The following PKHD1L1 variants were observed in gnomAD, a reference collection of about 807,000 sequenced individuals.
The protein encoded by PKHD1L1 is fibrocystin-L.
Under a neutral mutation model 462.9 loss-of-function variants are expected in PKHD1L1, and 434 were observed. That is an observed-to-expected ratio of 0.94 (90% CI 0.87 to 1.02). The LOEUF is 1.02. Ranked by LOEUF, PKHD1L1 falls within the 50% of genes least tolerant of loss-of-function variation. PKHD1L1 has a pLI of 0.00. For synonymous variants in PKHD1L1, 1,781 were observed against 1,750.0 expected (o/e 1.02, Z -0.44); for missense variants, 5,202 against 5,096.1 (o/e 1.02, Z -0.63).
chr8:109,477,175 A>C (rs563538504), intron 52 of PKHD1L1, 50 bp from the exon 53 acceptor site: 2 of 1,583,370 alleles, frequency 1.3e-6, no homozygotes, highest in South Asian at 1.1e-5. Context: ...GTTTACATTC[A>C]AGTACTTTGG....
intron 23 of PKHD1L1, 50 bp downstream of exon 23, chr8:109,420,740 AT>A: frequency 7.4e-7 from 1 of 1,342,336 alleles, no homozygotes; most frequent in Non-Finnish European, 1.0e-6. Context: ...TTTATTTTTA[AT>A]TTTTTTAAAT....
intron 49 of PKHD1L1, 42 bp downstream of exon 49, chr8:109,465,287 T>C: frequency 6.4e-7 from 1 of 1,568,920 alleles, no homozygotes; most frequent in Non-Finnish European, 8.7e-7. Context: ...CCATTGGAAA[T>C]ATGTTTGTGT....
intron 71 of PKHD1L1, among the ~76,000 whole-genome samples, chr8:109,513,213 G>T (rs2130997294): frequency 6.6e-6 from 1 of 151,792 alleles, no homozygotes; most frequent in South Asian, 2.1e-4. Context: ...AATTGCCCTG[G>T]CCAGAACTTC....
Position 109,442,978 on chromosome 8 carries a change from A to G in PKHD1L1, c.4426A>G (p.Ile1476Val), listed in dbSNP as rs762850488. 6.2e-7 allele frequency: 1 copy of G among 1,613,464 alleles called. No homozygotes were observed. Among genetic ancestry groups the G allele is most frequent in the South Asian group, 1.1e-5 (1 of 91,050 alleles). The change falls in exon 36 of 78, where the codon ATC becomes GTC. Residue 1476 changes from isoleucine (I) to valine (V), a missense_variant. By Grantham distance (29) the Ile-to-Val change is conservative (BLOSUM62 3). Transcript: ENST00000378402. Reference sequence around the variant, plus strand: ...TTCTTACCAATTTACTTCTCCTGGAATCCATTATTATAGCAGCGGGTATGT... The same window carrying G: ...TTCTTACCAATTTACTTCTCCTGGAGTCCATTATTATAGCAGCGGGTATGT... The part of the protein sequence containing the change: ...SFSYQFTSPG[I>V]HYYSSGYVDE...
rs1419820842 is a variant in PKHD1L1 at position 109,466,615 on chromosome 8, G to A, written c.8451G>A (p.Leu2817=). 1.2e-6 allele frequency: 2 copies of A among 1,609,684 alleles called. No homozygotes were observed. The highest frequency in any genetic ancestry group is 2.7e-5 in the African/African-American group (2 of 74,910). ...KGHTVIPHSS[L]LDPSHCTQEA... ...ATACCGTCATTCCACACAGCTCATT[G>A]CTAGACCCTTCTCATTGTACTCAGG... Residue 2817 remains leucine (L), a synonymous_variant, in exon 50 of 78, where the codon TTG becomes TTA. Transcript: ENST00000378402.
rs746456476 is a variant in PKHD1L1, at chr8:109,464,806, A to G, written c.7974A>G (p.Lys2658=). ...CACTTACTACTTGGAATTGTCAAAAAGGAGCTGAATGGGTCAATGGAGGTG... is the reference window on the plus strand; with the variant it reads ...CACTTACTACTTGGAATTGTCAAAAGGGAGCTGAATGGGTCAATGGAGGTG... The part of the protein sequence containing the change: ...FNSLTTWNCQ[K]GAEWVNGGAL... The change falls in exon 49 of 78, where the codon AAA becomes AAG. Residue 2658 remains lysine, a synonymous_variant. Transcript: ENST00000378402. 1.2e-6 allele frequency: 2 copies of G among 1,613,838 alleles called. No individual in the cohort carries two copies. The highest frequency in any genetic ancestry group is 2.2e-5 in the East Asian group (1 of 44,868).
intron 42 of PKHD1L1, 75 bp from the exon 43 acceptor site, chr8:109,452,643 A>G: frequency 1.1e-6 from 1 of 944,012 alleles, no homozygotes. Context: ...ATTGTAATAA[A>G]ATGCTTTTTG....
Position 109,464,835 on chromosome 8 carries a change from T to A in PKHD1L1, c.8003T>A (p.Leu2668His). The change falls in exon 49 of 78, where the codon CTT becomes CAT. Residue 2668 changes from leucine (L) to histidine (H), a missense_variant. Leu to His is a moderately conservative substitution (Grantham distance 99). Around this residue, in one of 3 missense-constraint regions of PKHD1L1, gnomAD observed 4,497 missense variants for 4,336.8 expected, o/e 1.04. Coordinates refer to ENST00000378402, the MANE Select transcript of PKHD1L1 (RefSeq NM_177531.6). Reference protein sequence around the residue: ...KGAEWVNGGALQFHNFVMVNN... With the variant: ...KGAEWVNGGAHQFHNFVMVNN... ...GCTGAATGGGTCAATGGAGGTGCCC[T>A]TCAGTTCCATAACTTTGTGATGGTG... The A allele has an allele frequency of 1.2e-6, 2 of 1,613,834 alleles. No homozygotes were observed. Among genetic ancestry groups the A allele is most frequent in the Non-Finnish European group, 1.7e-6 (2 of 1,179,800 alleles).
intron 21 of PKHD1L1, among the ~76,000 whole-genome samples, chr8:109,417,366 A>G (rs1245735255): frequency 6.6e-6 from 1 of 152,146 alleles, no homozygotes; most frequent in East Asian, 1.9e-4. Flanking sequence ...ATTTTTTAAA[A>G]ATTAAAAAAT....
chr8:109,417,493 G>A (rs1176037248), intron 21 of PKHD1L1, among the ~76,000 whole-genome samples: 1 of 150,352 alleles, frequency 6.7e-6, no homozygotes, highest in Non-Finnish European at 1.5e-5. Context: ...AAAAATAACA[G>A]CGTTCCCTTG....
At position 109,493,236 on chromosome 8, in the gene PKHD1L1, T is replaced by G. The variant is rs192268313; in HGVS notation, c.10237-425T>G. 6.7e-3 allele frequency among the ~76,000 whole-genome samples: 988 copies of G among 148,316 alleles called. 14 individuals are homozygous for G. Among genetic ancestry groups the G allele is most frequent in the African/African-American group, 0.023 (950 of 40,926 alleles). On this transcript the variant is annotated intron_variant, in intron 62 of 77. Transcript: ENST00000378402. ...ATACTTTTATATAAATATATATTTA[T>G]ATTAAACATATATAAATATAATACA...
intron 46 of PKHD1L1, among the ~76,000 whole-genome samples, chr8:109,459,344 TA>T (rs1280199700): frequency 6.6e-6 from 1 of 152,186 alleles, no homozygotes; most frequent in Non-Finnish European, 1.5e-5. Context: ...AAATACTTTT[TA>T]TAAGCTAATC....
At chr8:109,496,864 A>C in intron 63 of PKHD1L1, 55 bp from the exon 64 acceptor site, 1 of 1,516,298 alleles carries the variant, frequency 6.6e-7, no homozygotes, top group East Asian at 2.3e-5. Context: ...TGCTTATTAA[A>C]ACTATATGAC....
At chr8:109,431,606 T>G (rs968276707) in intron 27 of PKHD1L1, among the ~76,000 whole-genome samples, 1 of 152,204 alleles carries the variant, frequency 6.6e-6, no homozygotes, top group Non-Finnish European at 1.5e-5. Flanking sequence ...AATGTTATTT[T>G]GCATATTACT....
At chr8:109,377,414 T>C (rs1811893788) in intron 2 of PKHD1L1, among the ~76,000 whole-genome samples, 1 of 152,164 alleles carries the variant, frequency 6.6e-6, no homozygotes, top group South Asian at 2.1e-4. Context: ...CTGTAGGTAA[T>C]TAAATTCTGA....
intron 27 of PKHD1L1, among the ~76,000 whole-genome samples, chr8:109,432,042 C>G (rs1191278344): frequency 6.6e-6 from 1 of 152,032 alleles, no homozygotes; most frequent in Admixed American, 6.6e-5. Flanking sequence ...TTTTCTATTC[C>G]CTTATTAGTA....
chr8:109,455,686 G>C (rs555371996), intron 45 of PKHD1L1, among the ~76,000 whole-genome samples: 87 of 152,234 alleles, frequency 5.7e-4, no homozygotes, highest in Non-Finnish European at 8.8e-4. Flanking sequence ...AAATGATTTT[G>C]ATCATGTTTG....
chr8:109,456,865 T>C (rs1816854641), intron 46 of PKHD1L1, among the ~76,000 whole-genome samples: 1 of 152,146 alleles, frequency 6.6e-6, no homozygotes, highest in African/African-American at 2.4e-5. Flanking sequence ...TGGTTCCCAC[T>C]GAGCAAAATC....
At chr8:109,491,221 G>T (rs1818808724) in intron 61 of PKHD1L1, 120 bp downstream of exon 61, 5 of 1,062,772 alleles carry the variant, frequency 4.7e-6, no homozygotes, top group Admixed American at 2.6e-5. Flanking sequence ...CTATATTTCT[G>T]CTGTCTAATA....
Sources: gnomAD v4.1 joint callset for allele counts (sites outside exome capture counted in the v4.1 genomes callset) on GRCh38, gnomAD v4.1.1 for gene constraint, gnomAD v4.1.1 regional missense constraint, MANE v1.5 for transcripts, NCBI Gene and HGNC (gene_info 2026-07-23, HGNC 2026-07-21) for gene names.